Variants in NMNAT2 observed in about 807,000 individuals in gnomAD.
NMNAT2 encodes nicotinamide nucleotide adenylyltransferase 2, also known as nicotinamide/nicotinic acid mononucleotide adenylyltransferase 2.
In NMNAT2, 11 loss-of-function variants were observed where a neutral mutation model predicts 41.6. That is an observed-to-expected ratio of 0.26 (90% CI 0.17 to 0.44). NMNAT2 has a LOEUF of 0.44. NMNAT2 is among the 20% of genes least tolerant of loss of function. The pLI is 1.00. For missense variants in NMNAT2, 288 were observed against 407.7 expected, an observed-to-expected ratio of 0.71 and a Z score of 2.53; for synonymous variants, 148 against 151.2, an observed-to-expected ratio of 0.98 and a Z score of 0.16.
intron 8 of NMNAT2, among the ~76,000 whole-genome samples, chr1:183,272,443 A>C (rs950690924): frequency 6.6e-6 from 1 of 152,190 alleles, no homozygotes; most frequent in Non-Finnish European, 1.5e-5. Context: ...AAACTCGATG[A>C]CTATGTATGG....
intron 1 of NMNAT2, among the ~76,000 whole-genome samples, chr1:183,404,769 G>A (rs1386255940): frequency 4.6e-5 from 7 of 152,200 alleles, no homozygotes; most frequent in African/African-American, 1.4e-4. Flanking sequence ...TAGGGTGGAA[G>A]CATTATTATA....
At chr1:183,291,242 T>C (rs1661532589) in intron 3 of NMNAT2, among the ~76,000 whole-genome samples, 1 of 152,004 alleles carries the variant, frequency 6.6e-6, no homozygotes, top group Admixed American at 6.6e-5. Flanking sequence ...TTAGCAGTCA[T>C]GCATCCCCTT....
At chr1:183,267,481 G>T (rs1340371220) in intron 8 of NMNAT2, among the ~76,000 whole-genome samples, 1 of 152,110 alleles carries the variant, frequency 6.6e-6, no homozygotes, top group East Asian at 1.9e-4. Flanking sequence ...AAATCACATG[G>T]ACAATTACCT....
Position 183,284,725 on chromosome 1 carries a change from G to T in NMNAT2, c.514C>A (p.Arg172Ser), listed in dbSNP as rs1430062031. Reference protein sequence around the residue: ...RICCVRPPVERFTFVDENANL... With the variant: ...RICCVRPPVESFTFVDENANL... ...GGTTCCTCACCTACAAAGGTGAAAC[G>T]CTCCACCGGCGGGCGGACACAGCAG... The change falls in exon 6 of 11, where the codon CGT (arginine) becomes AGT (serine). Residue 172 changes from arginine (R) to serine (S), a missense_variant. Arg to Ser is a moderately radical substitution (Grantham distance 110). Transcript: ENST00000287713. The T allele has an allele frequency of 1.2e-6, 2 of 1,614,006 alleles. No individual in the cohort carries two copies. The highest frequency in any genetic ancestry group is 2.2e-5 in the South Asian group (2 of 91,074).
intron 8 of NMNAT2, 78 bp from the exon 9 acceptor site, chr1:183,261,381 A>T (rs1288148401): frequency 2.4e-6 from 3 of 1,238,314 alleles, no homozygotes; most frequent in African/African-American, 3.0e-5. Context: ...GCATGGCAGA[A>T]TCCGCTTCCA....
intron 5 of NMNAT2, among the ~76,000 whole-genome samples, chr1:183,286,012 G>T (rs1360077725): frequency 6.6e-6 from 1 of 152,086 alleles, no homozygotes; most frequent in Non-Finnish European, 1.5e-5. Context: ...CCCTAGAAGA[G>T]GCAGAGAAAA....
intron 7 of NMNAT2, among the ~76,000 whole-genome samples, chr1:183,281,384 G>GC (rs1345779200): frequency 1.3e-5 from 2 of 152,102 alleles, no homozygotes; most frequent in Non-Finnish European, 1.5e-5. Flanking sequence ...GCACAGGGAA[G>GC]CCCCCCTCCC....
chr1:183,396,750 CT>C (rs1180503573), intron 1 of NMNAT2, among the ~76,000 whole-genome samples: 1 of 152,166 alleles, frequency 6.6e-6, no homozygotes, highest in Non-Finnish European at 1.5e-5. Context: ...TCCAAGTGTA[CT>C]TTACTTCCTT....
At chr1:183,318,947 T>A (rs1415172446) in intron 1 of NMNAT2, among the ~76,000 whole-genome samples, 1 of 152,212 alleles carries the variant, frequency 6.6e-6, no homozygotes, top group Non-Finnish European at 1.5e-5. Flanking sequence ...AATTTATAGA[T>A]GAGAAGTTAA....
chr1:183,360,956 C>T (rs1663294510), intron 1 of NMNAT2, among the ~76,000 whole-genome samples: 1 of 152,148 alleles, frequency 6.6e-6, no homozygotes, highest in African/African-American at 2.4e-5. Context: ...TTTACCCTAG[C>T]TCTCCACCAA....
intron 4 of NMNAT2, among the ~76,000 whole-genome samples, chr1:183,288,987 T>C (rs1320042881): frequency 6.6e-6 from 1 of 152,200 alleles, no homozygotes; most frequent in Non-Finnish European, 1.5e-5. Flanking sequence ...AAACAACAGA[T>C]GGAGAACAGC....
intron 1 of NMNAT2, among the ~76,000 whole-genome samples, chr1:183,385,183 CAG>C (rs796747365): frequency 1.4e-4 from 21 of 152,132 alleles, no homozygotes; most frequent in African/African-American, 5.1e-4. Flanking sequence ...ATCTGGGTAA[CAG>C]AGTGAGACTC....
intron 1 of NMNAT2, among the ~76,000 whole-genome samples, chr1:183,392,281 C>A (rs1027851748): frequency 6.6e-6 from 1 of 152,190 alleles, no homozygotes; most frequent in Admixed American, 6.5e-5. Context: ...TTGGCTCATT[C>A]TTAATTCCTT....
In NMNAT2 at chr1:183,354,620, T is replaced by C. The variant is rs143268950; in HGVS notation, c.86-60827A>G. Reference sequence around the variant, plus strand: ...TTTATAGAGACAGGGTCTCACCATGTTGCCCAGGCTGGTCTCGAACTCCTG... The same window carrying C: ...TTTATAGAGACAGGGTCTCACCATGCTGCCCAGGCTGGTCTCGAACTCCTG... On this transcript the variant is annotated intron_variant, in intron 1 of 10. Transcript: ENST00000287713. 1.6e-3 allele frequency among the ~76,000 whole-genome samples: 244 copies of C among 152,234 alleles called. 3 individuals carry two copies. The highest frequency in any genetic ancestry group is 5.5e-3 in the African/African-American group (227 of 41,552).
chr1:183,282,782 G>A (rs1227314778), intron 7 of NMNAT2: 3 of 152,160 alleles, frequency 2.0e-5, no homozygotes, highest in African/African-American at 7.2e-5. Context: ...AGGAAGGCGG[G>A]TGCTCCTTCC....
chr1:183,252,681 T>C lies in NMNAT2; in HGVS notation c.884A>G (p.Tyr295Cys). The change falls in exon 11 of 11, where the codon TAC becomes TGC. Residue 295 changes from tyrosine to cysteine, a missense_variant. By Grantham distance (194) the Tyr-to-Cys change is radical (BLOSUM62 -2). This residue lies in a region of NMNAT2 where 7 missense variants were observed against 25.4 expected (regional missense o/e 0.28). Transcript: ENST00000287713. The part of the protein sequence containing the change: ...VDYLSQPVID[Y>C]ILKSQLYINA... ...GATGTACAGCTGGCTTTTGAGGATG[T>C]AGTCGATGACCGGCTGGGACAGGTA... 6.2e-7 allele frequency: 1 copy of C among 1,614,146 alleles called. No homozygotes were observed. Among genetic ancestry groups the C allele is most frequent in the Non-Finnish European group, 8.5e-7 (1 of 1,179,978 alleles).
chr1:183,273,354 A>G (rs996544767), intron 8 of NMNAT2, among the ~76,000 whole-genome samples: 2 of 152,270 alleles, frequency 1.3e-5, no homozygotes, highest in African/African-American at 2.4e-5. Flanking sequence ...GTCTCCAAGC[A>G]AAGTCTGTGG....
chr1:183,357,709 G>C (rs1663226219), intron 1 of NMNAT2, among the ~76,000 whole-genome samples: 1 of 152,178 alleles, frequency 6.6e-6, no homozygotes, highest in Non-Finnish European at 1.5e-5. Flanking sequence ...ACCGGTGTAA[G>C]ATGATATCTC....
intron 1 of NMNAT2, among the ~76,000 whole-genome samples, chr1:183,415,938 A>G (rs960105809): frequency 6.6e-6 from 1 of 151,896 alleles, no homozygotes; most frequent in Non-Finnish European, 1.5e-5. Context: ...TTTTTGTATT[A>G]CTCTCTGAAT....
Sources: allele counts gnomAD v4.1 joint callset (sites outside exome capture counted in the v4.1 genomes callset), GRCh38; gene constraint gnomAD v4.1.1; regional missense constraint gnomAD v4.1.1; transcripts MANE v1.5; gene names NCBI Gene and HGNC (gene_info 2026-07-23, HGNC 2026-07-21).